NHLRC3: variants seen among roughly 807,000 people sequenced by gnomAD.
NHLRC3 encodes the protein NHL repeat containing 3, also known as NHL repeat-containing protein 3.
A neutral mutation model predicts 32.0 loss-of-function variants in NHLRC3; 23 were observed. The observed-to-expected ratio is 0.72, with a 90% CI of 0.52 to 1.02. NHLRC3 has a LOEUF of 1.02. Ranked by LOEUF, NHLRC3 falls within the 50% of genes least tolerant of loss-of-function variation. The pLI, the probability that NHLRC3 is intolerant of heterozygous loss-of-function variation, is 0.00. For missense variants in NHLRC3, 407 were observed against 406.8 expected (o/e 1.00, Z -0.01); for synonymous variants, 159 against 147.9 (o/e 1.08, Z -0.55).
chr13:39,046,235 C>T (rs1350535827), intron 5 of NHLRC3, among the ~76,000 whole-genome samples: 1 of 152,122 alleles, frequency 6.6e-6, no homozygotes, highest in Non-Finnish European at 1.5e-5. Context: ...AGGAGAATGG[C>T]GTGTACCCGG....
Position 39,049,880 on chromosome 13 carries a change from TTTATATCAGAGTC to T in NHLRC3, c.*1960_*1972del, listed in dbSNP as rs1195807315. The T allele has an allele frequency of 1.3e-5, 2 of 152,250 alleles. No homozygotes were observed. The highest frequency in any genetic ancestry group is 2.9e-5 in the Non-Finnish European group (2 of 68,032). 9.4% of individuals were successfully genotyped at this position (152,250 alleles called of 1,614,324 possible). ...TTCAAAACGTTTTATTTTACTTTGT[TTTATATCAGAGTC>T]TTATAAAACCTGCTGCAAATATTTC... On this transcript the variant is annotated 3_prime_UTR_variant, in exon 7 of 7. Transcript: ENST00000379600.
rs568661575 is a variant in NHLRC3, at chr13:39,049,604, A to G, written c.*1678A>G. The G allele has an allele frequency of 5.9e-5, 9 of 152,360 alleles. No homozygotes were observed. In the South Asian group the frequency reaches 1.9e-3, roughly 32 times the overall value. The allele number at this position is 152,360 out of a possible 1,614,324, so 9.4% of individuals were successfully genotyped here. A position where few individuals can be genotyped will look rare whatever the true frequency, so the allele number is the denominator to read the frequency against. ...AGATTTGCCTTAATTTTGTGTTTAT[A>G]GCATTTATCAAAACGTATCCTCATA... On this transcript the variant is annotated 3_prime_UTR_variant, in exon 7 of 7. Transcript: ENST00000379600.
chr13:39,048,104 T>C lies in NHLRC3; in HGVS notation c.*178T>C, dbSNP rs1871759985. 1.8e-6 allele frequency: 1 copy of C among 562,984 alleles called. No individual in the cohort carries two copies. The highest frequency in any genetic ancestry group is 3.1e-6 in the Non-Finnish European group (1 of 322,806). The allele number at this position is 562,984 out of a possible 1,614,324, so 34.9% of individuals were successfully genotyped here. A position where few individuals can be genotyped will look rare whatever the true frequency, so the allele number is the denominator to read the frequency against. ...TTGTTGCCCTCTTGGGACTTAGTTT[T>C]ATTTGTAAGTGCATAAGGATATTTT... On this transcript the variant is annotated 3_prime_UTR_variant, in exon 7 of 7. Transcript: ENST00000379600.
In NHLRC3 at chr13:39,047,923, A is replaced by G. The variant is rs766538097; in HGVS notation, c.1041A>G (p.Ser347=). The change falls in exon 7 of 7, where the codon TCA becomes TCG. Residue 347 remains serine (S), a synonymous_variant. Transcript: ENST00000379600. ...PLNSYVPSFG[S] is the part of the protein sequence containing the mutation. ...ATAGCTATGTTCCTTCATTTGGTTCATAATGTTTCTTTCCTGGGAATATTT... is the reference window on the plus strand; with the variant it reads ...ATAGCTATGTTCCTTCATTTGGTTCGTAATGTTTCTTTCCTGGGAATATTT... 2.3e-5 allele frequency: 37 copies of G among 1,593,234 alleles called. No individual in the cohort carries two copies. Among genetic ancestry groups the G allele is most frequent in the Admixed American group, 2.2e-4 (13 of 59,616 alleles).
chr13:39,038,812 C>A, intron 1 of NHLRC3, 89 bp downstream of exon 1: 1 of 1,060,346 alleles, frequency 9.4e-7, no homozygotes, highest in Non-Finnish European at 1.5e-6. Context: ...AGGTGGCAGG[C>A]CCTGGTTCCC....
At chr13:39,046,261 G>A (rs1172438471) in intron 5 of NHLRC3, among the ~76,000 whole-genome samples, 2 of 152,178 alleles carry the variant, frequency 1.3e-5, no homozygotes, top group Non-Finnish European at 2.9e-5. Context: ...GGAGCTTGCA[G>A]TGAGCCGAGA....
Position 39,039,202 on chromosome 13 carries a change from G to T in NHLRC3, c.151G>T (p.Gly51Cys), listed in dbSNP as rs997927216. 3.7e-6 allele frequency: 6 copies of T among 1,613,750 alleles called. No homozygotes were observed. The African/African-American group carries it at 6.7e-5, about 18-fold the overall frequency. ...TEKILYRLDV[G>C]WPKHPEYFTG... ...GAAAATTCTTTACCGGCTGGATGTG[G>T]GTTGGCCTAAGCACCCAGAATATTT... The change falls in exon 2 of 7, where the codon GGT becomes TGT. Residue 51 changes from glycine to cysteine, a missense_variant. By Grantham distance (159) the Gly-to-Cys change is radical. Coordinates refer to ENST00000379600, the MANE Select transcript of NHLRC3 (RefSeq NM_001012754.4).
At chr13:39,044,229 TTGTGTGTGTG>T (rs370553701) in intron 5 of NHLRC3, 48 bp downstream of exon 5, 276 of 859,156 alleles carry the variant, frequency 3.2e-4, no homozygotes, top group Middle Eastern at 2.4e-4. Flanking sequence ...CTGAATATGT[TTGTGTGTGTG>T]TGTGTGTGTG....
rs763717992 is a variant in NHLRC3, at chr13:39,044,135, C to CT, written c.633dup (p.Lys212Ter). The CT allele has an allele frequency of 1.2e-6, 2 of 1,613,764 alleles. No homozygotes were observed. The highest frequency in any genetic ancestry group is 3.3e-5 in the Admixed American group (2 of 60,014). On this transcript the variant is annotated frameshift_variant, in exon 5 of 7. Coordinates refer to ENST00000379600, the MANE Select transcript of NHLRC3 (RefSeq NM_001012754.4). LOFTEE classifies it high-confidence loss of function. Reference sequence around the variant, plus strand: ...CATGGAGAAAATGGGACAGGGCCTGCTAAGTTCAACATACCTCACAGTGTT... The same window carrying CT: ...CATGGAGAAAATGGGACAGGGCCTGCTTAAGTTCAACATACCTCACAGTGTT...
chr13:39,040,994 A>G (rs530723979), intron 3 of NHLRC3: 1 of 152,312 alleles, frequency 6.6e-6, no homozygotes, highest in East Asian at 1.9e-4. Context: ...ATCCACTGTT[A>G]AAGACCATTT....
At chr13:39,044,743 T>A (rs541071953) in intron 5 of NHLRC3, among the ~76,000 whole-genome samples, 43 of 152,328 alleles carry the variant, frequency 2.8e-4, no homozygotes, top group Non-Finnish European at 7.3e-5. Flanking sequence ...CCCTACTCAC[T>A]ACTATCTCTT....
At chr13:39,046,598 T>C (rs569488038) in intron 5 of NHLRC3, among the ~76,000 whole-genome samples, 3 of 152,376 alleles carry the variant, frequency 2.0e-5, no homozygotes, top group East Asian at 3.9e-4. Flanking sequence ...TCCTGCTATA[T>C]TGAGCTCTTG....
chr13:39,047,831 A>C lies in NHLRC3; in HGVS notation c.949A>C (p.Arg317=). The C allele has an allele frequency of 6.2e-7, 1 of 1,614,146 alleles. No individual in the cohort carries two copies. The highest frequency in any genetic ancestry group is 8.5e-7 in the Non-Finnish European group (1 of 1,179,996). The part of the protein sequence containing the change: ...QVLPHLLEVD[R]KTGAVYVAEI... The stretch of plus-strand genomic sequence containing the variant: ...TTTGCCACATCTCCTAGAAGTCGAC[A>C]GAAAGACTGGAGCAGTCTATGTAGC... The change falls in exon 7 of 7, where the codon AGA becomes CGA. Residue 317 remains arginine (R), a synonymous_variant. Coordinates refer to ENST00000379600, the MANE Select transcript of NHLRC3 (RefSeq NM_001012754.4).
At chr13:39,044,555 T>A (rs1398704693) in intron 5 of NHLRC3, 4 of 178,718 alleles carry the variant, frequency 2.2e-5, no homozygotes, top group Non-Finnish European at 4.6e-5. Flanking sequence ...TAAAAGTGTT[T>A]GAATATCTTT....
Position 39,039,301 on chromosome 13 carries a change from A to G in NHLRC3, c.237+13A>G, listed in dbSNP as rs1871355978. On this transcript the variant is annotated intron_variant, in intron 2 of 6. Coordinates refer to ENST00000379600, the MANE Select transcript of NHLRC3 (RefSeq NM_001012754.4). ...TTACATAGGTCAAGTAAGTAAATAG[A>G]GATTTAAAAAAATTATGAACACAAA... 2 of 1,599,748 alleles carry G rather than the reference A, an allele frequency of 1.3e-6. No homozygotes were observed. The highest frequency in any genetic ancestry group is 1.7e-6 in the Non-Finnish European group (2 of 1,168,646).
In NHLRC3 at chr13:39,044,129, G is replaced by A; in HGVS notation, c.626G>A (p.Gly209Glu). The A allele has an allele frequency of 1.2e-6, 2 of 1,613,848 alleles. No individual in the cohort carries two copies. Among genetic ancestry groups the A allele is most frequent in the South Asian group, 1.1e-5 (1 of 91,074 alleles). Residue 209 changes from glycine to glutamate, a missense_variant, in exon 5 of 7, where the codon GGG becomes GAG. By Grantham distance (98) the Gly-to-Glu change is moderately conservative. Coordinates refer to ENST00000379600, the MANE Select transcript of NHLRC3 (RefSeq NM_001012754.4). ...ILWLHGENGT[G>E]PAKFNIPHSV... ...TGGCTGCATGGAGAAAATGGGACAGGGCCTGCTAAGTTCAACATACCTCAC... is the reference window on the plus strand; with the variant it reads ...TGGCTGCATGGAGAAAATGGGACAGAGCCTGCTAAGTTCAACATACCTCAC...
Position 39,038,546 on chromosome 13 carries a change from C to T in NHLRC3, c.-94C>T. On this transcript the variant is annotated 5_prime_UTR_variant, in exon 1 of 7. Transcript: ENST00000379600. The stretch of plus-strand genomic sequence containing the variant: ...ATAGGGTCTTCGGGCCCCGGGCAGA[C>T]CCTCTGTGCCGCTGCAAACCGTTGC... The T allele has an allele frequency of 9.5e-7, 1 of 1,057,972 alleles. No homozygotes were observed. Among genetic ancestry groups the T allele is most frequent in the South Asian group, 1.3e-5 (1 of 79,544 alleles). 65.5% of individuals were successfully genotyped at this position (1,057,972 alleles called of 1,614,324 possible).
intron 3 of NHLRC3, chr13:39,040,020 CAA>C (rs67484587): frequency 0.2 from 21,160 of 106,138 alleles, 2,047 homozygotes; most frequent in African/African-American, 0.31. Flanking sequence ...ACTAAAAATA[CAA>C]AAAAAAAAAA....
chr13:39,042,815 T>A lies in NHLRC3; in HGVS notation c.586+510T>A, dbSNP rs1298768100. Among the ~76,000 whole-genome samples the A allele has an allele frequency of 2.0e-5, 3 of 152,188 alleles. No homozygotes were observed. In the East Asian group the frequency reaches 5.8e-4, roughly 29 times the overall value. ...TTGCCTGGAGAAATAGAACAAGATA[T>A]CATGAAGGAAGTAGTTATTGAACTA... is the stretch of plus-strand genomic sequence containing the variant. On this transcript the variant is annotated intron_variant, in intron 4 of 6. Coordinates refer to ENST00000379600, the MANE Select transcript of NHLRC3 (RefSeq NM_001012754.4).
Sources: gnomAD v4.1 joint callset for allele counts (sites outside exome capture counted in the v4.1 genomes callset) on GRCh38, gnomAD v4.1.1 for gene constraint, MANE v1.5 for transcripts, NCBI Gene and HGNC (gene_info 2026-07-23, HGNC 2026-07-21) for gene names.